STX8: variants seen among roughly 807,000 people sequenced by gnomAD.
STX8 encodes the protein syntaxin 8.
In STX8, 23 loss-of-function variants were observed where a neutral mutation model predicts 37.5. The ratio of observed to expected loss-of-function variants is 0.61; its 90% CI spans 0.44 to 0.87. STX8 has a LOEUF of 0.87. STX8 is among the 40% of genes least tolerant of loss of function. The probability of loss-of-function intolerance (pLI) is 0.00; values close to 1 mark genes in which losing one functional copy is unlikely to be tolerated. For missense variants in STX8, 313 were observed against 284.7 expected (o/e 1.10, Z -0.71); for synonymous variants, 115 against 99.1 (o/e 1.16, Z -0.95).
rs532348106 is a variant in STX8, at chr17:9,304,339, G to A, written c.644-53694C>T. ...AGCCGGACCAACATGGAGAAACCTC[G>A]TCTCTACAAAAAAATGAAAATAAAT... On this transcript the variant is annotated intron_variant, in intron 7 of 7. Transcript: ENST00000306357. Among the ~76,000 whole-genome samples, 7 of 151,710 alleles carry A rather than the reference G, an allele frequency of 4.6e-5. No individual in the cohort carries two copies. The East Asian group carries it at 9.7e-4, about 21-fold the overall frequency.
At chr17:9,305,286 T>C (rs1908939826) in intron 7 of STX8, among the ~76,000 whole-genome samples, 1 of 151,954 alleles carries the variant, frequency 6.6e-6, no homozygotes, top group Non-Finnish European at 1.5e-5. Context: ...AGAGATGGGG[T>C]TGCACCATGT....
At chr17:9,403,662 C>T (rs977230962) in intron 6 of STX8, among the ~76,000 whole-genome samples, 2 of 151,708 alleles carry the variant, frequency 1.3e-5, no homozygotes, top group African/African-American at 4.8e-5. Context: ...TATTTTTTCC[C>T]CTGAGATGGA....
chr17:9,420,526 C>T (rs750718109), intron 6 of STX8, among the ~76,000 whole-genome samples: 7 of 152,182 alleles, frequency 4.6e-5, no homozygotes, highest in Admixed American at 1.3e-4. Flanking sequence ...TTCACCTTCT[C>T]GGTTCTGGCC....
At chr17:9,515,570 G>A (rs1010209670) in intron 4 of STX8, among the ~76,000 whole-genome samples, 3 of 152,008 alleles carry the variant, frequency 2.0e-5, no homozygotes, top group African/African-American at 4.8e-5. Flanking sequence ...TCACCCAGGC[G>A]GGAGTGCAGT....
chr17:9,414,133 T>TCCAA (rs1345622818), intron 6 of STX8, among the ~76,000 whole-genome samples: 2 of 9,338 alleles, frequency 2.1e-4, no homozygotes, highest in East Asian at 2.7e-3. Flanking sequence ...CATCCAACCA[T>TCCAA]CCATCCATCC....
chr17:9,315,992 G>A (rs576447035), intron 7 of STX8, among the ~76,000 whole-genome samples: 3 of 150,280 alleles, frequency 2.0e-5, no homozygotes, highest in African/African-American at 7.5e-5. Context: ...TCCAGCCTGG[G>A]TGATAGAGTG....
intron 6 of STX8, among the ~76,000 whole-genome samples, chr17:9,391,483 T>C (rs1912216361): frequency 6.6e-6 from 1 of 151,652 alleles, no homozygotes; most frequent in Non-Finnish European, 1.5e-5. Context: ...ATAATAATAA[T>C]TCGCTCTGGG....
At chr17:9,274,812 G>A (rs1324301200) in intron 7 of STX8, among the ~76,000 whole-genome samples, 2 of 132,272 alleles carry the variant, frequency 1.5e-5, no homozygotes, top group Non-Finnish European at 3.1e-5. Context: ...GTGCAGTGGC[G>A]TGATCTCAGC....
At chr17:9,520,960 G>T (rs557891153) in intron 4 of STX8, among the ~76,000 whole-genome samples, 73 of 152,324 alleles carry the variant, frequency 4.8e-4, no homozygotes, top group Non-Finnish European at 8.5e-4. Flanking sequence ...TATTTCTGGG[G>T]TGTGAGTGAG....
chr17:9,268,939 G>A (rs1299276532), intron 7 of STX8, among the ~76,000 whole-genome samples: 2 of 152,182 alleles, frequency 1.3e-5, no homozygotes, highest in Non-Finnish European at 2.9e-5. Flanking sequence ...TGTAATCCCA[G>A]CACTTTGGGA....
chr17:9,416,434 A>G (rs1913197244), intron 6 of STX8, among the ~76,000 whole-genome samples: 1 of 151,802 alleles, frequency 6.6e-6, no homozygotes, highest in Non-Finnish European at 1.5e-5. Context: ...CAGTAGCACG[A>G]TCTCAGTTCA....
At chr17:9,432,958 T>C (rs910212387) in intron 6 of STX8, among the ~76,000 whole-genome samples, 6 of 152,236 alleles carry the variant, frequency 3.9e-5, no homozygotes, top group African/African-American at 1.4e-4. Context: ...ACTCTTGAGA[T>C]TGAGGAGAAG....
At chr17:9,459,946 G>A (rs992236600) in intron 6 of STX8, among the ~76,000 whole-genome samples, 1 of 152,176 alleles carries the variant, frequency 6.6e-6, no homozygotes, top group African/African-American at 2.4e-5. Flanking sequence ...TCTAGAACTC[G>A]CTACTGGCAG....
chr17:9,265,318 C>A (rs1335779781), intron 7 of STX8, among the ~76,000 whole-genome samples: 1 of 152,200 alleles, frequency 6.6e-6, no homozygotes, highest in Admixed American at 6.5e-5. Flanking sequence ...GGAGAGCTCA[C>A]CCTCTTGAAA....
At chr17:9,303,081 C>A (rs1488902920) in intron 7 of STX8, among the ~76,000 whole-genome samples, 2 of 151,604 alleles carry the variant, frequency 1.3e-5, no homozygotes, top group African/African-American at 4.9e-5. Context: ...ATCACAAGGT[C>A]AAGAGATCGA....
At chr17:9,255,570 A>AT (rs1195136621) in intron 7 of STX8, among the ~76,000 whole-genome samples, 2 of 128,674 alleles carry the variant, frequency 1.6e-5, no homozygotes, top group African/African-American at 5.5e-5. Flanking sequence ...AAATAAATAA[A>AT]TAAATAAATA....
At chr17:9,365,749 G>A (rs1204338842) in intron 7 of STX8, among the ~76,000 whole-genome samples, 3 of 152,202 alleles carry the variant, frequency 2.0e-5, no homozygotes, top group Non-Finnish European at 2.9e-5. Flanking sequence ...CGAGGTGGGC[G>A]GAACATGAGG....
intron 1 of STX8, among the ~76,000 whole-genome samples, chr17:9,573,381 T>C (rs1457231219): frequency 6.6e-6 from 1 of 152,144 alleles, no homozygotes; most frequent in Non-Finnish European, 1.5e-5. Flanking sequence ...CAGACATTCG[T>C]TTCTATTGAT....
intron 6 of STX8, among the ~76,000 whole-genome samples, chr17:9,390,616 A>G (rs1015037259): frequency 7.3e-5 from 11 of 151,312 alleles, no homozygotes; most frequent in African/African-American, 2.4e-4. Context: ...TCACGAGGTC[A>G]GGAGTTTGAG....
Sources: gnomAD v4.1 joint callset for allele counts (sites outside exome capture counted in the v4.1 genomes callset) on GRCh38, gnomAD v4.1.1 for gene constraint, MANE v1.5 for transcripts, NCBI Gene and HGNC (gene_info 2026-07-23, HGNC 2026-07-21) for gene names.